STPG2: variants seen among roughly 807,000 people sequenced by gnomAD.
The protein encoded by STPG2 is sperm-tail PG-rich repeat-containing protein 2.
STPG2 carries 56 observed loss-of-function variants against 54.2 expected under a neutral mutation model. The ratio of observed to expected loss-of-function variants is 1.03; its 90% CI spans 0.83 to 1.29. The LOEUF is 1.29. Among genes scored for constraint, STPG2 ranks in the 50% most tolerant of loss-of-function variants. The pLI, the probability that STPG2 is intolerant of heterozygous loss-of-function variation, is 0.00. For synonymous variants in STPG2, 200 were observed against 181.8 expected (o/e 1.10, Z -0.81); for missense variants, 596 against 544.9 (o/e 1.09, Z -0.93).
At chr4:97,715,971 C>T (rs1209849447) in intron 9 of STPG2, among the ~76,000 whole-genome samples, 1 of 152,080 alleles carries the variant, frequency 6.6e-6, no homozygotes. Context: ...TATCCAGAAT[C>T]TACAAAGAAT....
intron 5 of STPG2, among the ~76,000 whole-genome samples, chr4:98,056,518 T>C (rs906836901): frequency 6.6e-6 from 1 of 152,038 alleles, no homozygotes; most frequent in Admixed American, 6.5e-5. Context: ...TCCCCAGAGT[T>C]AGAGCACACC....
At chr4:97,779,918 G>A (rs1006761155) in intron 9 of STPG2, among the ~76,000 whole-genome samples, 2 of 151,920 alleles carry the variant, frequency 1.3e-5, no homozygotes, top group Non-Finnish European at 2.9e-5. Context: ...CCCTAAAAGA[G>A]CTCCTGAAAG....
rs552677561 is a variant in STPG2 at position 98,098,532 on chromosome 4, T to C, written c.612+7421A>G. 3.3e-5 allele frequency among the ~76,000 whole-genome samples: 5 copies of C among 152,230 alleles called. No homozygotes were observed. In the South Asian group the frequency reaches 1.0e-3, roughly 32 times the overall value. On this transcript the variant is annotated intron_variant, in intron 5 of 10. Transcript: ENST00000295268. The stretch of plus-strand genomic sequence containing the variant: ...AGTATGAAATTACTAAAAGAAAACA[T>C]TGGAGAAACTCTCCAGGACATTGGA...
At chr4:97,788,322 G>A (rs1019862980) in intron 9 of STPG2, among the ~76,000 whole-genome samples, 4 of 151,984 alleles carry the variant, frequency 2.6e-5, no homozygotes, top group Admixed American at 1.3e-4. Context: ...GTGACAACAT[G>A]CAGTCTGTCT....
chr4:97,669,314 G>A (rs1407855300), intron 10 of STPG2, among the ~76,000 whole-genome samples: 2 of 152,092 alleles, frequency 1.3e-5, no homozygotes, highest in Non-Finnish European at 2.9e-5. Flanking sequence ...TATATTAAAA[G>A]TTAGGCATAT....
At chr4:98,134,763 T>TA (rs1740093875) in intron 1 of STPG2, among the ~76,000 whole-genome samples, 1 of 151,680 alleles carries the variant, frequency 6.6e-6, no homozygotes, top group Non-Finnish European at 1.5e-5. Context: ...GGCAATTATA[T>TA]TTAGCTGATA....
At chr4:98,130,951 C>CA (rs1560693211) in intron 2 of STPG2, among the ~76,000 whole-genome samples, 2 of 100,536 alleles carry the variant, frequency 2.0e-5, no homozygotes, top group Non-Finnish European at 4.2e-5. Context: ...AAAAAAAAAA[C>CA]GACTTTCCAA....
At chr4:97,860,459 A>G (rs976549649) in intron 8 of STPG2, among the ~76,000 whole-genome samples, 3 of 146,794 alleles carry the variant, frequency 2.0e-5, no homozygotes, top group Non-Finnish European at 4.5e-5. Context: ...GGTCAGGTAT[A>G]TTCCTAAGTT....
chr4:97,719,182 T>C (rs1011859172), intron 9 of STPG2, among the ~76,000 whole-genome samples: 1 of 151,944 alleles, frequency 6.6e-6, no homozygotes, highest in Non-Finnish European at 1.5e-5. Flanking sequence ...ATTAATAATG[T>C]CTACTTTCAA....
At chr4:97,890,425 T>C (rs775516022) in intron 8 of STPG2, among the ~76,000 whole-genome samples, 2 of 151,976 alleles carry the variant, frequency 1.3e-5, no homozygotes, top group Non-Finnish European at 2.9e-5. Flanking sequence ...TATGATTCTT[T>C]TGGAGGACAG....
At chr4:97,443,090 C>T (rs560157279) in intron 4 of STPG2, among the ~76,000 whole-genome samples, 1 of 152,206 alleles carries the variant, frequency 6.6e-6, no homozygotes, top group Non-Finnish European at 1.5e-5. Context: ...ACCTATTTAA[C>T]TGAATGGAAA....
chr4:98,073,909 A>C (rs1415504434), intron 5 of STPG2, among the ~76,000 whole-genome samples: 1 of 152,178 alleles, frequency 6.6e-6, no homozygotes, highest in African/African-American at 2.4e-5. Flanking sequence ...CTTCTAAAAT[A>C]GGAGTAAAGG....
Position 98,098,303 on chromosome 4 carries a change from C to T in STPG2, c.612+7650G>A, listed in dbSNP as rs142289918. ...CACTAACGAAACAGAATAGAGAACC[C>T]GGAAAAAAAACCCACACACCTATAG... On this transcript the variant is annotated intron_variant, in intron 5 of 10. Transcript: ENST00000295268. 1.5e-3 allele frequency among the ~76,000 whole-genome samples: 231 copies of T among 151,944 alleles called. 1 individual carries two copies. The highest frequency in any genetic ancestry group is 5.2e-3 in the African/African-American group (217 of 41,480).
chr4:98,092,146 A>C (rs566870119), intron 5 of STPG2, among the ~76,000 whole-genome samples: 49 of 152,180 alleles, frequency 3.2e-4, no homozygotes, highest in African/African-American at 1.1e-3. Flanking sequence ...AAATATTTTC[A>C]ATCTCTTCCT....
chr4:97,863,373 T>C (rs1578634528), intron 8 of STPG2, among the ~76,000 whole-genome samples: 1 of 152,126 alleles, frequency 6.6e-6, no homozygotes, highest in Admixed American at 6.6e-5. Flanking sequence ...CCTTGACACA[T>C]ACACCCTCCC....
At chr4:97,641,886 A>C (rs563866833) in intron 10 of STPG2, among the ~76,000 whole-genome samples, 1 of 151,696 alleles carries the variant, frequency 6.6e-6, no homozygotes, top group Non-Finnish European at 1.5e-5. Context: ...ACTGTCATCA[A>C]TACCTGGAGC....
chr4:98,106,805 C>T (rs574402052), intron 4 of STPG2, among the ~76,000 whole-genome samples: 3 of 152,218 alleles, frequency 2.0e-5, no homozygotes, highest in East Asian at 1.9e-4. Context: ...AATAAGCACA[C>T]AGTAACTGTT....
rs552361455 is a variant in STPG2 at position 97,945,728 on chromosome 4, GGTTT to G, written c.934-1725_934-1722del. 3.5e-3 allele frequency among the ~76,000 whole-genome samples: 526 copies of G among 150,928 alleles called. 4 individuals are homozygous for G. Among genetic ancestry groups the G allele is most frequent in the African/African-American group, 0.012 (506 of 41,302 alleles). On this transcript the variant is annotated intron_variant, in intron 7 of 10. Transcript: ENST00000295268. ...GACCCCAACATCTATTGTTTTTTTGGGTTTGTTTATTGGTTTTTGTTCGTTACTT... is the reference window on the plus strand; with the variant it reads ...GACCCCAACATCTATTGTTTTTTTGGGTTTATTGGTTTTTGTTCGTTACTT...
At chr4:97,566,080 G>C (rs551931403) in intron 10 of STPG2, among the ~76,000 whole-genome samples, 160 of 152,294 alleles carry the variant, frequency 1.1e-3, no homozygotes, top group African/African-American at 3.7e-3. Flanking sequence ...GAGCTGTGGT[G>C]GGCTCCACCC....
Sources: allele counts gnomAD v4.1 joint callset (sites outside exome capture counted in the v4.1 genomes callset), GRCh38; gene constraint gnomAD v4.1.1; transcripts MANE v1.5; gene names NCBI Gene and HGNC (gene_info 2026-07-23, HGNC 2026-07-21).